Variants in OR3A2 observed in about 807,000 individuals in gnomAD.
OR3A2 encodes the protein olfactory receptor family 3 subfamily A member 2.
For synonymous variants in OR3A2, 126 were observed against 159.3 expected (o/e 0.79, Z 1.57); for missense variants, 318 against 392.8 (o/e 0.81, Z 1.61).
chr17:3,305,607 T>A (rs1431977465), intron 3 of OR3A2, among the ~76,000 whole-genome samples: 1 of 47,088 alleles, frequency 2.1e-5, no homozygotes, highest in East Asian at 0.045. Context: ...AATTGAAAAC[T>A]AAGTATGCAA....
intron 3 of OR3A2, among the ~76,000 whole-genome samples, chr17:3,331,049 C>A (rs996779278): frequency 6.6e-6 from 1 of 152,194 alleles, no homozygotes; most frequent in Non-Finnish European, 1.5e-5. Flanking sequence ...CCCCCACTCT[C>A]TTCTGGCTTG....
At chr17:3,282,745 G>A (rs2150617344) in intron 1 of OR3A2, among the ~76,000 whole-genome samples, 1 of 152,322 alleles carries the variant, frequency 6.6e-6, no homozygotes, top group Middle Eastern at 3.4e-3. Context: ...ATCAAAGGGT[G>A]ATAGCTCTTT....
At chr17:3,359,562 G>C (rs966357425) in intron 2 of OR3A2, among the ~76,000 whole-genome samples, 4 of 151,680 alleles carry the variant, frequency 2.6e-5, no homozygotes, top group Non-Finnish European at 4.4e-5. Flanking sequence ...GAAATTCTTG[G>C]TTGAAGATTA....
intron 2 of OR3A2, among the ~76,000 whole-genome samples, chr17:3,376,456 T>C (rs902616386): frequency 8.0e-6 from 1 of 125,566 alleles, no homozygotes; most frequent in African/African-American, 3.1e-5. Context: ...TGGGCAGGGC[T>C]TGCTGCAGCC....
intron 3 of OR3A2, among the ~76,000 whole-genome samples, chr17:3,329,932 A>T (rs1480579402): frequency 7.1e-6 from 1 of 141,440 alleles, no homozygotes. Context: ...CGTTGGTTTC[A>T]AAGAACATCT....
intron 3 of OR3A2, among the ~76,000 whole-genome samples, chr17:3,297,470 A>T (rs2048928433): frequency 6.8e-6 from 1 of 147,788 alleles, no homozygotes; most frequent in South Asian, 2.1e-4. Flanking sequence ...TAAGTTCTCA[A>T]ATCCTTTGGC....
chr17:3,291,858 G>C, intron 3 of OR3A2: 1 of 1,614,156 alleles, frequency 6.2e-7, no homozygotes, highest in African/African-American at 1.3e-5. Context: ...GCCACATGTG[G>C]AGAAGGCTTT....
chr17:3,355,517 T>C (rs1019156236), intron 2 of OR3A2, among the ~76,000 whole-genome samples: 2 of 148,580 alleles, frequency 1.3e-5, no homozygotes, highest in African/African-American at 5.1e-5. Flanking sequence ...TGCGTACATA[T>C]ATATTTGCAA....
intron 3 of OR3A2, among the ~76,000 whole-genome samples, chr17:3,308,009 T>G (rs1183408038): frequency 6.6e-6 from 1 of 152,230 alleles, no homozygotes; most frequent in Non-Finnish European, 1.5e-5. Context: ...TCATTTTAAC[T>G]CTATAAAATG....
In OR3A2 at chr17:3,300,067, G is replaced by A. The variant is rs115658396; in HGVS notation, c.-84-20914C>T. On this transcript the variant is annotated intron_variant, in intron 3 of 4. Coordinates refer to the OR3A2 transcript ENST00000573491. ...TTACTTAATGTTACCTATCTAGGAT[G>A]TAGCAGAGCTGGACCTCAAGCCACA... 6.9e-3 allele frequency among the ~76,000 whole-genome samples: 1,044 copies of A among 151,738 alleles called. 16 individuals are homozygous for A. The highest frequency in any genetic ancestry group is 0.024 in the African/African-American group (984 of 41,318).
At chr17:3,279,904 T>C (rs2048766587) in intron 1 of OR3A2, among the ~76,000 whole-genome samples, 2 of 152,162 alleles carry the variant, frequency 1.3e-5, no homozygotes, top group African/African-American at 2.4e-5. Context: ...ATTGTGGATA[T>C]CAGAAAGACC....
chr17:3,297,780 A>C (rs2048931654), intron 3 of OR3A2, among the ~76,000 whole-genome samples: 1 of 152,248 alleles, frequency 6.6e-6, no homozygotes. Context: ...CGTAAGAGCA[A>C]CAATATTTCA....
At position 3,360,836 on chromosome 17, in the gene OR3A2, T is replaced by G. The variant is rs1290632727; in HGVS notation, c.-179+22968A>C. ...GTTACTGTAACCTTGTAGTATAGTT[T>G]GAAGTCAGATAGCGTGATGCCTCCA... On this transcript the variant is annotated intron_variant, in intron 2 of 4. Transcript: ENST00000573491. 5.3e-5 allele frequency among the ~76,000 whole-genome samples: 8 copies of G among 151,888 alleles called. No individual in the cohort carries two copies. In the East Asian group the frequency reaches 9.7e-4, roughly 18 times the overall value.
chr17:3,286,082 G>C (rs141484108), upstream of OR3A2, among the ~76,000 whole-genome samples: 2,618 of 151,700 alleles, frequency 0.017, 87 homozygotes, highest in African/African-American at 0.059. Context: ...CACCCCCCAA[G>C]AGGCCCTGGT....
chr17:3,329,331 C>T (rs2049208372), intron 3 of OR3A2, among the ~76,000 whole-genome samples: 1 of 149,468 alleles, frequency 6.7e-6, no homozygotes, highest in Non-Finnish European at 1.5e-5. Flanking sequence ...GCTGTGAATC[C>T]ATCTGGTCCT....
At chr17:3,370,676 G>A (rs902676921) in intron 2 of OR3A2, among the ~76,000 whole-genome samples, 1 of 151,354 alleles carries the variant, frequency 6.6e-6, no homozygotes, top group African/African-American at 2.4e-5. Context: ...TCTCGCAGAG[G>A]GGGATTTGGC....
chr17:3,303,577 T>TA lies in OR3A2; in HGVS notation c.-84-24425dup, dbSNP rs889121706. Reference sequence around the variant, plus strand: ...CAACATGGTGAAACCCCGTCTCTACTAAAAAAAAAATACAAAAATTAGCTA... The same window carrying TA: ...CAACATGGTGAAACCCCGTCTCTACTAAAAAAAAAAATACAAAAATTAGCTA... On this transcript the variant is annotated intron_variant, in intron 3 of 4. Transcript: ENST00000573491. Among the ~76,000 whole-genome samples, 134 of 147,308 alleles carry TA rather than the reference T, an allele frequency of 9.1e-4. 1 individual carries two copies. In the East Asian group the frequency reaches 0.02, roughly 22 times the overall value.
At chr17:3,278,398 G>A in exon 2 of OR3A2, 1 of 1,614,178 alleles carries the variant, frequency 6.2e-7, no homozygotes, top group Non-Finnish European at 8.5e-7. Flanking sequence ...ACCTCATTGG[G>A]GCCACAGAAG....
intron 2 of OR3A2, among the ~76,000 whole-genome samples, chr17:3,365,209 T>G (rs544688250): frequency 1.3e-5 from 2 of 152,314 alleles, no homozygotes; most frequent in African/African-American, 2.4e-5. Context: ...CGACTGTATC[T>G]TAGGTATGTG....
Sources: gnomAD v4.1 joint callset for allele counts (sites outside exome capture counted in the v4.1 genomes callset) on GRCh38, gnomAD v4.1.1 for gene constraint, MANE v1.5 for transcripts, NCBI Gene and HGNC (gene_info 2026-07-23, HGNC 2026-07-21) for gene names.